Variants in EIF2B3 observed in about 807,000 individuals in gnomAD.
EIF2B3 encodes the protein eukaryotic translation initiation factor 2B subunit gamma, also known as translation initiation factor eIF2B subunit gamma.
Under a neutral mutation model 54.1 loss-of-function variants are expected in EIF2B3, and 20 were observed. The ratio of observed to expected loss-of-function variants is 0.37; its 90% CI spans 0.26 to 0.54. EIF2B3 has a LOEUF of 0.54. Among genes scored for constraint, EIF2B3 ranks in the 20% least tolerant of loss-of-function variants. The pLI, the probability that EIF2B3 is intolerant of heterozygous loss-of-function variation, is 0.86. For missense variants in EIF2B3, 448 were observed against 547.8 expected (o/e 0.82, Z 1.82); for synonymous variants, 153 against 188.1 (o/e 0.81, Z 1.52).
chr1:44,921,517 T>C (rs1643738036), intron 5 of EIF2B3, among the ~76,000 whole-genome samples: 1 of 152,278 alleles, frequency 6.6e-6, no homozygotes, highest in African/African-American at 2.4e-5. Flanking sequence ...GCTTCATAGT[T>C]TGAGGTCTTA....
intron 10 of EIF2B3, among the ~76,000 whole-genome samples, chr1:44,868,329 C>T (rs1357479034): frequency 3.0e-5 from 4 of 131,478 alleles, no homozygotes; most frequent in African/African-American, 8.7e-5. Flanking sequence ...ACCCGGGAGG[C>T]GGAGCTTGCA....
chr1:44,958,205 T>G (rs1358545049), intron 3 of EIF2B3, among the ~76,000 whole-genome samples: 1 of 152,176 alleles, frequency 6.6e-6, no homozygotes. Context: ...ACAGACCCCC[T>G]GAAAATCAAA....
chr1:44,887,094 T>C (rs1655614758), intron 6 of EIF2B3, among the ~76,000 whole-genome samples: 1 of 152,154 alleles, frequency 6.6e-6, no homozygotes, highest in African/African-American at 2.4e-5. Context: ...TCCAAGGATT[T>C]GTGTTTTGAG....
chr1:44,947,802 T>G (rs1046902558), intron 3 of EIF2B3, among the ~76,000 whole-genome samples: 3 of 152,138 alleles, frequency 2.0e-5, no homozygotes, highest in African/African-American at 7.2e-5. Context: ...ACTATGAAGG[T>G]CACATTTTAC....
intron 3 of EIF2B3, among the ~76,000 whole-genome samples, chr1:44,960,148 C>T (rs748643620): frequency 6.6e-6 from 1 of 151,774 alleles, no homozygotes; most frequent in Non-Finnish European, 1.5e-5. Flanking sequence ...ATGTTCAGTC[C>T]CTATATGTAT....
Position 44,877,192 on chromosome 1 carries a change from T to TTAAAAAAA in EIF2B3, c.976-1498_976-1497insTTTTTTTA, listed in dbSNP as rs1553169362. Among the ~76,000 whole-genome samples, 158 of 52,028 alleles carry TTAAAAAAA rather than the reference T, an allele frequency of 3.0e-3. 11 individuals are homozygous for TTAAAAAAA. The highest frequency in any genetic ancestry group is 4.4e-3 in the Non-Finnish European group (125 of 28,166). 34.1% of individuals were successfully genotyped at this position (52,028 alleles called of 152,430 possible). A position where few individuals can be genotyped will look rare whatever the true frequency, so the allele number is the denominator to read the frequency against. ...GCGAGAAACACCCAAGAATGATCAA[T>TTAAAAAAA]AAAAAAAAAAAAAAAAAAAAAAAAA... On this transcript the variant is annotated intron_variant, in intron 8 of 11. Transcript: ENST00000360403.
intron 3 of EIF2B3, among the ~76,000 whole-genome samples, chr1:44,967,068 C>T (rs1644350139): frequency 6.6e-6 from 1 of 151,610 alleles, no homozygotes; most frequent in African/African-American, 2.4e-5. Context: ...CCTGCCTCGG[C>T]CTCCCAAGGT....
At chr1:44,951,145 CTT>C (rs1159860239) in intron 3 of EIF2B3, among the ~76,000 whole-genome samples, 7 of 152,134 alleles carry the variant, frequency 4.6e-5, no homozygotes, top group African/African-American at 1.2e-4. Context: ...CACTCAACCA[CTT>C]TGTTATACTC....
chr1:44,860,039 T>A (rs1654559101), intron 10 of EIF2B3, among the ~76,000 whole-genome samples: 1 of 151,912 alleles, frequency 6.6e-6, no homozygotes, highest in South Asian at 2.1e-4. Flanking sequence ...TCTTGCTCTG[T>A]CCCCCAGACT....
Position 44,850,806 on chromosome 1 carries a change from A to G in EIF2B3, c.*145T>C. On this transcript the variant is annotated 3_prime_UTR_variant, in exon 12 of 12. Coordinates refer to ENST00000360403, the MANE Select transcript of EIF2B3 (RefSeq NM_020365.5). ...TGTGTACACCTGGAGCCCACCTGAC[A>G]TGGAGCTTTGGACTGCTCCACAAGT... 1.2e-6 allele frequency: 1 copy of G among 849,100 alleles called. No individual in the cohort carries two copies. The highest frequency in any genetic ancestry group is 1.4e-5 in the South Asian group (1 of 70,546). The allele number at this position is 849,100 out of a possible 1,614,324, so 52.6% of individuals were successfully genotyped here. A position where few individuals can be genotyped will look rare whatever the true frequency, so the allele number is the denominator to read the frequency against.
intron 3 of EIF2B3, 146 bp from the exon 4 acceptor site, chr1:44,941,811 T>C: frequency 2.0e-6 from 2 of 976,906 alleles, no homozygotes. Flanking sequence ...GTAAAATAAA[T>C]GGGGTTGTTC....
At chr1:44,979,820 G>T (rs1644494945) in intron 2 of EIF2B3, among the ~76,000 whole-genome samples, 1 of 152,020 alleles carries the variant, frequency 6.6e-6, no homozygotes, top group East Asian at 1.9e-4. Flanking sequence ...AAAAAAATTA[G>T]CCGGGAGTGG....
At chr1:44,922,895 G>A (rs530423832) in intron 5 of EIF2B3, among the ~76,000 whole-genome samples, 2 of 121,446 alleles carry the variant, frequency 1.6e-5, no homozygotes, top group Non-Finnish European at 3.2e-5. Context: ...GCCCAGGCTG[G>A]AGTGCAGCGG....
chr1:44,984,795 A>ATTTTTTTTTTTTT (rs1557718636), intron 1 of EIF2B3, among the ~76,000 whole-genome samples: 4 of 80,470 alleles, frequency 5.0e-5, no homozygotes, highest in Admixed American at 1.3e-4. Flanking sequence ...AATAATGTCC[A>ATTTTTTTTTTTTT]TCTTTTTTTT....
rs1654479713 is a variant in EIF2B3, at chr1:44,857,603, GT to G, written c.1306+100del. The G allele has an allele frequency of 7.6e-6, 8 of 1,053,140 alleles. No individual in the cohort carries two copies. In the Admixed American group the frequency reaches 1.4e-4, roughly 18 times the overall value. The allele number at this position is 1,053,140 out of a possible 1,614,324, so 65.2% of individuals were successfully genotyped here. On this transcript the variant is annotated intron_variant, in intron 11 of 11. Transcript: ENST00000360403. The stretch of plus-strand genomic sequence containing the variant: ...TTATCAATTTATGTTCTCGCCCGCA[GT>G]GTACGTATGTGCTTGTTTCCCACAT...
chr1:44,924,244 A>G (rs1643808692), intron 5 of EIF2B3, among the ~76,000 whole-genome samples: 2 of 149,894 alleles, frequency 1.3e-5, no homozygotes, highest in Admixed American at 1.3e-4. Flanking sequence ...CCAGCCAGAG[A>G]TTCTAATTTC....
At chr1:44,906,514 C>T (rs1643413444) in intron 5 of EIF2B3, among the ~76,000 whole-genome samples, 1 of 152,254 alleles carries the variant, frequency 6.6e-6, no homozygotes, top group Non-Finnish European at 1.5e-5. Context: ...GATTCTCCTG[C>T]CTCAGCCTCC....
intron 10 of EIF2B3, among the ~76,000 whole-genome samples, chr1:44,868,496 ATTT>A (rs57428854): frequency 2.2e-5 from 3 of 135,432 alleles, no homozygotes; most frequent in Admixed American, 7.5e-5. Context: ...CTAACACTGG[ATTT>A]TTTTTTTTTT....
At chr1:44,954,362 G>T (rs1351919407) in intron 3 of EIF2B3, among the ~76,000 whole-genome samples, 5 of 152,174 alleles carry the variant, frequency 3.3e-5, no homozygotes, top group African/African-American at 9.7e-5. Context: ...TCCTATCCAT[G>T]AGCATGGAAT....
Sources: allele counts gnomAD v4.1 joint callset (sites outside exome capture counted in the v4.1 genomes callset), GRCh38; gene constraint gnomAD v4.1.1; transcripts MANE v1.5; gene names NCBI Gene and HGNC (gene_info 2026-07-23, HGNC 2026-07-21).